SYNPR: variants seen among roughly 807,000 people sequenced by gnomAD.
The protein encoded by SYNPR is synaptoporin.
Under a neutral mutation model 32.9 loss-of-function variants are expected in SYNPR, and 23 were observed. The observed-to-expected ratio is 0.70, with a 90% confidence interval of 0.50 to 0.99. SYNPR has a LOEUF of 0.99. Ranked by LOEUF, SYNPR falls within the 50% of genes least tolerant of loss-of-function variation. SYNPR has a pLI of 0.00. For synonymous variants in SYNPR, 146 were observed against 135.9 expected (o/e 1.07, Z -0.52); for missense variants, 318 against 349.3 (o/e 0.91, Z 0.71).
chr3:63,410,867 A>C (rs1175054555), intron 2 of SYNPR, among the ~76,000 whole-genome samples: 1 of 152,118 alleles, frequency 6.6e-6, no homozygotes, highest in Non-Finnish European at 1.5e-5. Flanking sequence ...TGAGTGCCTG[A>C]CTTATGAGGC....
intron 1 of SYNPR, chr3:63,228,457 A>G (rs1209770482): frequency 2.0e-5 from 3 of 152,202 alleles, no homozygotes; most frequent in Non-Finnish European, 2.9e-5. Flanking sequence ...ACTTATAAGT[A>G]AAGACAATTA....
rs1172140543 is a variant in SYNPR, at chr3:63,525,599, GA to G, written c.210-30941del. 3.9e-5 allele frequency among the ~76,000 whole-genome samples: 6 copies of G among 152,288 alleles called. No homozygotes were observed. The East Asian group carries it at 1.2e-3, about 29-fold the overall frequency. ...CAAAGCAGAGACAATCTGGGAGGAA[GA>G]AACAATAGACATTTTCCTCATTCCA... On this transcript the variant is annotated intron_variant, in intron 3 of 5. Transcript: ENST00000478300.
chr3:63,252,675 C>T (rs961089907), intron 2 of SYNPR: 1 of 152,082 alleles, frequency 6.6e-6, no homozygotes, highest in African/African-American at 2.4e-5. Context: ...TTTCATACCC[C>T]CTAGCATATG....
intron 2 of SYNPR, among the ~76,000 whole-genome samples, chr3:63,328,402 G>C (rs1251223943): frequency 6.6e-6 from 1 of 152,096 alleles, no homozygotes; most frequent in Non-Finnish European, 1.5e-5. Context: ...AAATGAGACT[G>C]GTCTATATTT....
At chr3:63,353,396 T>A (rs558536064) in intron 2 of SYNPR, among the ~76,000 whole-genome samples, 1 of 152,282 alleles carries the variant, frequency 6.6e-6, no homozygotes, top group South Asian at 2.1e-4. Flanking sequence ...CTAGAATGAG[T>A]GATGCCACAG....
chr3:63,225,592 A>C (rs1346060498), upstream of SYNPR, among the ~76,000 whole-genome samples: 1 of 152,150 alleles, frequency 6.6e-6, no homozygotes, highest in Non-Finnish European at 1.5e-5. Context: ...AGGGAAGGGA[A>C]GGGAAAGAAG....
chr3:63,202,004 T>G, the SYNPR span, among the ~76,000 whole-genome samples: 1 of 152,158 alleles, frequency 6.6e-6, no homozygotes, highest in Non-Finnish European at 1.5e-5. Context: ...TATTAACTAT[T>G]AATATCTAGA....
intron 2 of SYNPR, among the ~76,000 whole-genome samples, chr3:63,419,983 C>T (rs1014702696): frequency 6.6e-6 from 1 of 152,130 alleles, no homozygotes; most frequent in African/African-American, 2.4e-5. Flanking sequence ...AATGTTCAGA[C>T]CTTATCTACC....
intron 2 of SYNPR, among the ~76,000 whole-genome samples, chr3:63,254,015 T>C (rs2086361086): frequency 6.6e-6 from 1 of 152,080 alleles, no homozygotes; most frequent in African/African-American, 2.4e-5. Context: ...CTGTCCTTTG[T>C]AGGGACATGG....
chr3:63,481,934 A>T (rs1202629502), intron 3 of SYNPR, among the ~76,000 whole-genome samples: 1 of 152,144 alleles, frequency 6.6e-6, no homozygotes, highest in Non-Finnish European at 1.5e-5. Context: ...GTGATTTCCC[A>T]CTAAGAGATG....
chr3:63,364,428 AAAG>A (rs1422435993), intron 2 of SYNPR, among the ~76,000 whole-genome samples: 1 of 152,212 alleles, frequency 6.6e-6, no homozygotes, highest in African/African-American at 2.4e-5. Context: ...GCTCATGGAG[AAAG>A]AAGAAGTCAT....
At chr3:63,223,118 T>A in the SYNPR span, among the ~76,000 whole-genome samples, 1 of 151,996 alleles carries the variant, frequency 6.6e-6, no homozygotes, top group Non-Finnish European at 1.5e-5. Context: ...GCAAGGAGGT[T>A]TTACTGCTTG....
intron 2 of SYNPR, among the ~76,000 whole-genome samples, chr3:63,422,811 G>A (rs1294654407): frequency 6.6e-6 from 1 of 151,988 alleles, no homozygotes; most frequent in African/African-American, 2.4e-5. Flanking sequence ...AGATATTGCA[G>A]AGAAACTCAC....
intron 3 of SYNPR, among the ~76,000 whole-genome samples, chr3:63,495,883 G>A (rs1239053839): frequency 6.6e-6 from 1 of 152,040 alleles, no homozygotes; most frequent in African/African-American, 2.4e-5. Context: ...ATGGATACAT[G>A]TCCTTATAAA....
At chr3:63,313,734 TATATATATATCCATATATATATCC>T (rs1203041299) in intron 2 of SYNPR, among the ~76,000 whole-genome samples, 15 of 31,956 alleles carry the variant, frequency 4.7e-4, no homozygotes, top group African/African-American at 2.4e-3. Flanking sequence ...TATATATCCA[TATATATATATCCATATATATATCC>T]ATATATATAT....
At chr3:63,246,842 T>C (rs757750471) in intron 1 of SYNPR, among the ~76,000 whole-genome samples, 59 of 151,754 alleles carry the variant, frequency 3.9e-4, no homozygotes, top group Admixed American at 3.9e-3. Context: ...AATTTACAAA[T>C]GATTTGTAAT....
chr3:63,270,766 C>G (rs900599466), intron 3 of SYNPR, among the ~76,000 whole-genome samples: 3 of 152,100 alleles, frequency 2.0e-5, no homozygotes, highest in African/African-American at 7.2e-5. Flanking sequence ...ATCACAGTGC[C>G]TGGCATGTAG....
intron 3 of SYNPR, among the ~76,000 whole-genome samples, chr3:63,494,479 A>ACG (rs1559516477): frequency 5.6e-5 from 5 of 89,388 alleles, no homozygotes; most frequent in African/African-American, 2.0e-4. Context: ...ACATATATAC[A>ACG]TATATATACA....
intron 4 of SYNPR, among the ~76,000 whole-genome samples, chr3:63,591,062 C>A (rs1197223341): frequency 6.7e-6 from 1 of 148,924 alleles, no homozygotes; most frequent in Non-Finnish European, 1.5e-5. Flanking sequence ...ACTCATCTGA[C>A]AAAGGGCTAA....
Sources: allele counts gnomAD v4.1 joint callset (sites outside exome capture counted in the v4.1 genomes callset), GRCh38; gene constraint gnomAD v4.1.1; transcripts MANE v1.5; gene names NCBI Gene and HGNC (gene_info 2026-07-23, HGNC 2026-07-21).